Variants in MMGT1 observed in about 807,000 individuals in gnomAD.
The protein encoded by MMGT1 is ER membrane protein complex subunit 5.
MMGT1 carries 2 observed loss-of-function variants against 11.7 expected under a neutral mutation model. The ratio of observed to expected loss-of-function variants is 0.17; its 90% CI spans 0.07 to 0.54. The LOEUF is 0.54. Ranked by LOEUF, MMGT1 falls within the 20% of genes least tolerant of loss-of-function variation. The probability of loss-of-function intolerance (pLI) is 0.94; values close to 1 mark genes in which losing one functional copy is unlikely to be tolerated. For synonymous variants in MMGT1, 49 were observed against 44.4 expected (o/e 1.10, Z -0.41); for missense variants, 74 against 109.0 (o/e 0.68, Z 1.43).
chrX:135,969,769 A>G (rs1317068333), intron 2 of MMGT1, among the ~76,000 whole-genome samples: 1 of 112,629 alleles, frequency 8.9e-6, no homozygotes, highest in African/African-American at 3.2e-5. Context: ...ATACACATGT[A>G]TAACTTTTTA....
At chrX:135,970,935 G>A in intron 2 of MMGT1, 123 bp downstream of exon 2, 3 of 479,621 alleles carry the variant, frequency 6.3e-6, no homozygotes, top group Non-Finnish European at 1.1e-5. Context: ...GAAAAGAAAA[G>A]TGGAGATCAG....
intron 2 of MMGT1, among the ~76,000 whole-genome samples, chrX:135,968,726 T>TGAAA: frequency 9.0e-6 from 1 of 110,940 alleles, no homozygotes; most frequent in East Asian, 2.8e-4. Flanking sequence ...AGATGGGGTT[T>TGAAA]CACCATGTTG....
intron 1 of MMGT1, among the ~76,000 whole-genome samples, chrX:135,971,653 A>T: frequency 8.9e-6 from 1 of 112,530 alleles, no homozygotes. Flanking sequence ...CACAGTATGG[A>T]CAAAATAATA....
intron 2 of MMGT1, among the ~76,000 whole-genome samples, chrX:135,968,071 C>T (rs12848107): frequency 2.7e-5 from 3 of 111,722 alleles, no homozygotes; most frequent in Non-Finnish European, 3.8e-5. Flanking sequence ...AGGCTGGTCT[C>T]GAACTCCTGA....
chrX:135,973,742 G>C lies in MMGT1; in HGVS notation c.-67C>G, dbSNP rs985124805. 3 of 1,166,391 alleles carry C rather than the reference G, an allele frequency of 2.6e-6. No individual in the cohort carries two copies. The highest frequency in any genetic ancestry group is 3.4e-6 in the Non-Finnish European group (3 of 872,780). On this transcript the variant is annotated 5_prime_UTR_variant, in exon 1 of 4. Coordinates refer to ENST00000305963, the MANE Select transcript of MMGT1 (RefSeq NM_173470.3). ...GGCGGAGCTGTTTCTTCTTCCACCG[G>C]CGGGTGTCCGCGCGCCGCAGAAAGA...
intron 2 of MMGT1, among the ~76,000 whole-genome samples, chrX:135,967,986 T>A (rs782372252): frequency 1.8e-5 from 2 of 111,054 alleles, no homozygotes; most frequent in Admixed American, 1.9e-4. Flanking sequence ...GCCTCCTGAG[T>A]AGATTACAGG....
Position 135,961,337 on chromosome X carries a change from T to C in MMGT1, c.*3687A>G, listed in dbSNP as rs1463439000. The stretch of plus-strand genomic sequence containing the variant: ...AAAGCAAGGTACAGAAGAGTATATA[T>C]AGTCTGATTCTATTAATGTGAAATT... On this transcript the variant is annotated 3_prime_UTR_variant, in exon 4 of 4. Coordinates refer to ENST00000305963, the MANE Select transcript of MMGT1 (RefSeq NM_173470.3). Among the ~76,000 whole-genome samples, 1 of 111,542 alleles carries C rather than the reference T, an allele frequency of 9.0e-6. No individual in the cohort carries two copies. The highest frequency in any genetic ancestry group is 1.9e-5 in the Non-Finnish European group (1 of 53,086).
At chrX:135,968,165 T>C (rs113231636) in intron 2 of MMGT1, among the ~76,000 whole-genome samples, 1,211 of 111,846 alleles carry the variant, frequency 0.011, 16 homozygotes, top group African/African-American at 0.037. Flanking sequence ...ATTATTGTTA[T>C]ATATCATAGA....
rs1343582931 is a variant in MMGT1 at position 135,962,663 on chromosome X, T to G, written c.*2361A>C. 2 of 112,087 alleles carry G rather than the reference T, an allele frequency of 1.8e-5. No individual in the cohort carries two copies. The highest frequency in any genetic ancestry group is 6.5e-5 in the African/African-American group (2 of 30,849). 9.2% of individuals were successfully genotyped at this position (112,087 alleles called of 1,213,427 possible). ...CTCACCTGGCCTGAGGTATACAAGC[T>G]GCTAGCAAAGATAGACACACGTGAA... is the stretch of plus-strand genomic sequence containing the variant. On this transcript the variant is annotated 3_prime_UTR_variant, in exon 4 of 4. Coordinates refer to ENST00000305963, the MANE Select transcript of MMGT1 (RefSeq NM_173470.3).
intron 2 of MMGT1, among the ~76,000 whole-genome samples, chrX:135,970,766 G>A (rs926841483): frequency 1.8e-4 from 20 of 111,653 alleles, no homozygotes; most frequent in Non-Finnish European, 3.6e-4. Flanking sequence ...AAAATTAGCC[G>A]GGCATGGTGG....
chrX:135,962,416 A>G lies in MMGT1; in HGVS notation c.*2608T>C, dbSNP rs1348197197. ...AGCCTTGATTGGTACACACTTCTGAATATCACTGAAATCAGTCAAGCAAAG... is the reference window on the plus strand; with the variant it reads ...AGCCTTGATTGGTACACACTTCTGAGTATCACTGAAATCAGTCAAGCAAAG... On this transcript the variant is annotated 3_prime_UTR_variant, in exon 4 of 4. Transcript: ENST00000305963. The G allele has an allele frequency of 2.7e-5, 3 of 112,086 alleles. No individual in the cohort carries two copies. The highest frequency in any genetic ancestry group is 9.7e-5 in the African/African-American group (3 of 30,839). 9.2% of individuals were successfully genotyped at this position (112,086 alleles called of 1,213,427 possible). A position where few individuals can be genotyped will look rare whatever the true frequency, so the allele number is the denominator to read the frequency against.
chrX:135,965,236 T>C, intron 3 of MMGT1, 53 bp from the exon 4 acceptor site: 3 of 1,008,165 alleles, frequency 3.0e-6, no homozygotes, highest in Non-Finnish European at 4.1e-6. Context: ...AAAACCCTAC[T>C]TGAAAATAAG....
At position 135,963,277 on chromosome X, in the gene MMGT1, A is replaced by C. The variant is rs1417700807; in HGVS notation, c.*1747T>G. Reference sequence around the variant, plus strand: ...AACCACTAAATTGTACCCTTAAAATAAGTGAATTGTAAGGTATGTGAATTA... The same window carrying C: ...AACCACTAAATTGTACCCTTAAAATCAGTGAATTGTAAGGTATGTGAATTA... On this transcript the variant is annotated 3_prime_UTR_variant, in exon 4 of 4. Transcript: ENST00000305963. 1 of 111,605 alleles carries C rather than the reference A, an allele frequency of 9.0e-6. No individual in the cohort carries two copies. Among genetic ancestry groups the C allele is most frequent in the African/African-American group, 3.3e-5 (1 of 30,691 alleles). 9.2% of individuals were successfully genotyped at this position (111,605 alleles called of 1,213,427 possible). A position where few individuals can be genotyped will look rare whatever the true frequency, so the allele number is the denominator to read the frequency against.
At chrX:135,968,912 T>A (rs782001792) in intron 2 of MMGT1, among the ~76,000 whole-genome samples, 3 of 111,883 alleles carry the variant, frequency 2.7e-5, no homozygotes, top group Non-Finnish European at 5.6e-5. Context: ...ATGTGGGTTG[T>A]TTCCTGTTAC....
At position 135,963,638 on chromosome X, in the gene MMGT1, A is replaced by G. The variant is rs1402638104; in HGVS notation, c.*1386T>C. On this transcript the variant is annotated 3_prime_UTR_variant, in exon 4 of 4. Transcript: ENST00000305963. ...AAAAATAATCTCATGCTTTGGGGCT[A>G]TGTGTTACCAGTCAGAAGAGAAGAG... The G allele has an allele frequency of 8.9e-6, 1 of 112,437 alleles. No homozygotes were observed. The highest frequency in any genetic ancestry group is 1.9e-5 in the Non-Finnish European group (1 of 53,252). 9.3% of individuals were successfully genotyped at this position (112,437 alleles called of 1,213,427 possible).
chrX:135,973,816 C>T lies in MMGT1; in HGVS notation c.-141G>A. The T allele has an allele frequency of 8.6e-7, 1 of 1,163,990 alleles. No individual in the cohort carries two copies. The highest frequency in any genetic ancestry group is 1.1e-6 in the Non-Finnish European group (1 of 871,936). ...CAAAGTGTCTCAGTGGTGGAAAAGCCAGAGGGCTGTGAGAAAACGGAAACA... is the reference window on the plus strand; with the variant it reads ...CAAAGTGTCTCAGTGGTGGAAAAGCTAGAGGGCTGTGAGAAAACGGAAACA... On this transcript the variant is annotated 5_prime_UTR_variant, in exon 1 of 4. Transcript: ENST00000305963.
At chrX:135,972,058 A>G (rs2089222902) in intron 1 of MMGT1, among the ~76,000 whole-genome samples, 1 of 112,116 alleles carries the variant, frequency 8.9e-6, no homozygotes, top group Non-Finnish European at 1.9e-5. Flanking sequence ...CTGGTGCCCT[A>G]CTGTAACAAA....
In MMGT1 at chrX:135,967,451, C is replaced by T. The variant is rs1556612096; in HGVS notation, c.175G>A (p.Gly59Ser). 3.3e-6 allele frequency: 4 copies of T among 1,197,778 alleles called. No homozygotes were observed. The highest frequency in any genetic ancestry group is 4.5e-6 in the Non-Finnish European group (4 of 886,681). ...TLLAFAVTCYGIVHIAGEFKD... is the reference protein window; with the variant it reads ...TLLAFAVTCYSIVHIAGEFKD... The stretch of plus-strand genomic sequence containing the variant: ...AACTCTCCTGCAATATGAACTATAC[C>T]GTAACAGGTAACTGCAAAGGCCAGA... The change falls in exon 3 of 4, where the codon GGT becomes AGT. Residue 59 changes from glycine to serine, a missense_variant. Physicochemically the swap from Gly to Ser is moderately conservative, Grantham distance 56. This residue lies in a region of MMGT1 where 40 missense variants were observed against 79.6 expected (regional missense o/e 0.50). Coordinates refer to ENST00000305963, the MANE Select transcript of MMGT1 (RefSeq NM_173470.3).
Position 135,969,698 on chromosome X carries a change from T to C in MMGT1, c.132+1360A>G. Among the ~76,000 whole-genome samples the C allele has an allele frequency of 2.7e-5, 3 of 112,339 alleles. No homozygotes were observed. In the South Asian group the frequency reaches 1.1e-3, roughly 41 times the overall value. On this transcript the variant is annotated intron_variant, in intron 2 of 3. Coordinates refer to ENST00000305963, the MANE Select transcript of MMGT1 (RefSeq NM_173470.3). Reference sequence around the variant, plus strand: ...TTTTAACAAGAATCTATATGAGCTGTCATGAAAGTAAGACTGAAGTTGTTA... The same window carrying C: ...TTTTAACAAGAATCTATATGAGCTGCCATGAAAGTAAGACTGAAGTTGTTA...
Sources: gnomAD v4.1 joint callset for allele counts (sites outside exome capture counted in the v4.1 genomes callset) on GRCh38, gnomAD v4.1.1 for gene constraint, gnomAD v4.1.1 regional missense constraint, MANE v1.5 for transcripts, NCBI Gene and HGNC (gene_info 2026-07-23, HGNC 2026-07-21) for gene names.